Variants in RSRC1 observed in about 807,000 individuals in gnomAD.
RSRC1 encodes the protein serine/Arginine-related protein 53.
RSRC1 carries 39 observed loss-of-function variants against 49.1 expected under a neutral mutation model. The observed-to-expected ratio is 0.79, with a 90% CI of 0.61 to 1.04. The LOEUF is 1.04. RSRC1 is among the 50% of genes least tolerant of loss of function. The pLI is 0.00. For synonymous variants in RSRC1, 143 were observed against 130.8 expected (o/e 1.09, Z -0.63); for missense variants, 388 against 402.4 (o/e 0.96, Z 0.31).
intron 4 of RSRC1, among the ~76,000 whole-genome samples, chr3:158,266,287 TAAG>T (rs1040513541): frequency 2.0e-5 from 3 of 152,114 alleles, no homozygotes; most frequent in Non-Finnish European, 4.4e-5. Flanking sequence ...TGTAGCTACT[TAAG>T]GAGGAAACTT....
chr3:158,259,135 A>G (rs906778287), intron 4 of RSRC1, among the ~76,000 whole-genome samples: 1 of 152,030 alleles, frequency 6.6e-6, no homozygotes, highest in Admixed American at 6.6e-5. Context: ...GTGTCTGGGC[A>G]TTGAAATGTT....
chr3:158,305,874 C>G (rs1435100193), intron 5 of RSRC1, among the ~76,000 whole-genome samples: 1 of 151,992 alleles, frequency 6.6e-6, no homozygotes, highest in African/African-American at 2.4e-5. Context: ...TTTTAATTTT[C>G]CCCTTACTCA....
chr3:158,284,977 G>A (rs902257515), intron 4 of RSRC1, among the ~76,000 whole-genome samples: 1 of 152,182 alleles, frequency 6.6e-6, no homozygotes, highest in African/African-American at 2.4e-5. Flanking sequence ...TCATGCCTAT[G>A]TCCTGAATGG....
intron 4 of RSRC1, among the ~76,000 whole-genome samples, chr3:158,278,676 A>T (rs1412517543): frequency 2.0e-5 from 3 of 152,218 alleles, no homozygotes; most frequent in African/African-American, 7.2e-5. Flanking sequence ...CTAAAAGTCT[A>T]ATAGTTTTTA....
chr3:158,326,863 CT>C (rs1559994409), intron 5 of RSRC1, among the ~76,000 whole-genome samples: 1 of 152,100 alleles, frequency 6.6e-6, no homozygotes, highest in Non-Finnish European at 1.5e-5. Context: ...TGGTCCTATA[CT>C]TTTTTTGGTT....
Position 158,388,716 on chromosome 3 carries a change from T to G in RSRC1, c.583+33808T>G, listed in dbSNP as rs556319503. On this transcript the variant is annotated intron_variant, in intron 6 of 9. Transcript: ENST00000611884. ...ACTCCGCCTCCCGGGTTGACGCCAT[T>G]CTCCTGCCGCAGCCTCCAGGGTAGC... 3.3e-5 allele frequency among the ~76,000 whole-genome samples: 5 copies of G among 152,022 alleles called. No individual in the cohort carries two copies. In the South Asian group the frequency reaches 1.0e-3, roughly 32 times the overall value.
intron 7 of RSRC1, among the ~76,000 whole-genome samples, chr3:158,484,348 C>T (rs1738734523): frequency 6.6e-6 from 1 of 151,990 alleles, no homozygotes; most frequent in Non-Finnish European, 1.5e-5. Context: ...AGAAGTGAAG[C>T]CCATGTGGGC....
intron 3 of RSRC1, among the ~76,000 whole-genome samples, chr3:158,183,838 C>T (rs906728333): frequency 1.3e-5 from 2 of 151,980 alleles, no homozygotes; most frequent in African/African-American, 2.4e-5. Context: ...ATTGCTTGAG[C>T]CCTGTAGTTT....
intron 7 of RSRC1, among the ~76,000 whole-genome samples, chr3:158,529,886 C>T (rs577510077): frequency 2.6e-5 from 4 of 152,024 alleles, no homozygotes; most frequent in South Asian, 2.1e-4. Context: ...CATATGTCAG[C>T]AAAATACCAC....
intron 5 of RSRC1, among the ~76,000 whole-genome samples, chr3:158,330,728 A>G (rs963990582): frequency 1.3e-5 from 2 of 152,160 alleles, no homozygotes; most frequent in Non-Finnish European, 2.9e-5. Context: ...TTTCTCAAGG[A>G]GTATGAGTAC....
At chr3:158,218,884 A>C (rs538310434) in intron 4 of RSRC1, among the ~76,000 whole-genome samples, 64 of 151,798 alleles carry the variant, frequency 4.2e-4, no homozygotes, top group African/African-American at 1.5e-3. Context: ...TATTGTAGTT[A>C]CTGGAGATTG....
At chr3:158,192,059 AT>A (rs1477524789) in intron 3 of RSRC1, among the ~76,000 whole-genome samples, 1 of 151,612 alleles carries the variant, frequency 6.6e-6, no homozygotes, top group Non-Finnish European at 1.5e-5. Flanking sequence ...TGCATTTACT[AT>A]TTTTTTCACA....
rs748085662 is a variant in RSRC1 at position 158,199,173 on chromosome 3, C to T, written c.321-3899C>T. ...AGCTCTTTCTTTGCCTGCTGCTATC[C>T]GCGTAAGATGTGACTTGCTACTCCT... On this transcript the variant is annotated intron_variant, in intron 3 of 9. Transcript: ENST00000611884. 3.3e-5 allele frequency among the ~76,000 whole-genome samples: 5 copies of T among 152,128 alleles called. No homozygotes were observed. The East Asian group carries it at 5.8e-4, about 18-fold the overall frequency.
chr3:158,194,171 A>G (rs1317176490), intron 3 of RSRC1, among the ~76,000 whole-genome samples: 1 of 151,776 alleles, frequency 6.6e-6, no homozygotes, highest in East Asian at 1.9e-4. Context: ...CTACTTGGGA[A>G]GCTGATGCGG....
rs577524108 is a variant in RSRC1 at position 158,516,697 on chromosome 3, C to T, written c.653-20395C>T. On this transcript the variant is annotated intron_variant, in intron 7 of 9. Transcript: ENST00000611884. The stretch of plus-strand genomic sequence containing the variant: ...ATGGTGGGCGCCCCTTCCCCAGCCT[C>T]GTTGCCGCCTTGCAGTTTGATCTCA... Among the ~76,000 whole-genome samples, 18 of 152,346 alleles carry T rather than the reference C, an allele frequency of 1.2e-4. No individual in the cohort carries two copies. The South Asian group carries it at 2.1e-3, about 18-fold the overall frequency.
chr3:158,324,685 A>G (rs186256970), intron 5 of RSRC1, among the ~76,000 whole-genome samples: 8 of 152,326 alleles, frequency 5.3e-5, no homozygotes, highest in South Asian at 4.1e-4. Context: ...TAGTGCCGCA[A>G]TAAACATACG....
intron 3 of RSRC1, among the ~76,000 whole-genome samples, chr3:158,184,576 T>G (rs1719817936): frequency 6.6e-6 from 1 of 152,172 alleles, no homozygotes; most frequent in African/African-American, 2.4e-5. Flanking sequence ...TAGAACTTGT[T>G]CACAGATTCG....
intron 6 of RSRC1, among the ~76,000 whole-genome samples, chr3:158,392,699 AAG>A (rs1302037237): frequency 1.3e-5 from 2 of 151,222 alleles, no homozygotes; most frequent in African/African-American, 2.4e-5. Flanking sequence ...GAGATCTACA[AAG>A]AGACTTAGAT....
chr3:158,348,266 A>C (rs1011969630), intron 5 of RSRC1, among the ~76,000 whole-genome samples: 5 of 152,216 alleles, frequency 3.3e-5, no homozygotes, highest in Non-Finnish European at 5.9e-5. Flanking sequence ...GTTGAATATG[A>C]ATGGAAGTGA....
Sources: gnomAD v4.1 joint callset for allele counts (sites outside exome capture counted in the v4.1 genomes callset) on GRCh38, gnomAD v4.1.1 for gene constraint, MANE v1.5 for transcripts, NCBI Gene and HGNC (gene_info 2026-07-23, HGNC 2026-07-21) for gene names.